The following CASR variants were observed in gnomAD, a reference collection of about 807,000 sequenced individuals.
CASR encodes calcium sensing receptor.
In CASR, 23 loss-of-function variants were observed where a neutral mutation model predicts 69.1. That is an observed-to-expected ratio of 0.33 (90% confidence interval 0.24 to 0.47). The LOEUF (loss-of-function observed/expected upper bound fraction) is 0.47. Ranked by LOEUF, CASR falls within the 20% of genes least tolerant of loss-of-function variation. The pLI is 1.00. For missense variants in CASR, 924 were observed against 1,356.1 expected (o/e 0.68, Z 5.00); for synonymous variants, 541 against 544.7 (o/e 0.99, Z 0.10).
At chr3:122,279,823 G>A (rs890234747) in intron 5 of CASR, among the ~76,000 whole-genome samples, 1 of 152,046 alleles carries the variant, frequency 6.6e-6, no homozygotes, top group African/African-American at 2.4e-5. Context: ...AAGTTCTGGG[G>A]TACATGTGCA....
chr3:122,276,199 A>G (rs34249398), intron 5 of CASR, among the ~76,000 whole-genome samples, 157 bp downstream of exon 5: 7 of 152,290 alleles, frequency 4.6e-5, no homozygotes, highest in African/African-American at 1.4e-4. Flanking sequence ...TCCCTGTGAA[A>G]TCCACAGTGT....
At chr3:122,253,496 G>A (rs1250360016) in intron 1 of CASR, among the ~76,000 whole-genome samples, 1 of 152,180 alleles carries the variant, frequency 6.6e-6, no homozygotes, top group Non-Finnish European at 1.5e-5. Context: ...ACCTGCCTCA[G>A]CTCCCCATAG....
intron 1 of CASR, among the ~76,000 whole-genome samples, chr3:122,230,151 A>G (rs1359291189): frequency 1.3e-5 from 2 of 152,238 alleles, no homozygotes; most frequent in East Asian, 1.9e-4. Flanking sequence ...TAAGTTATCA[A>G]TAACCCCTGG....
At chr3:122,239,946 G>A (rs961256047) in intron 1 of CASR, among the ~76,000 whole-genome samples, 1 of 152,160 alleles carries the variant, frequency 6.6e-6, no homozygotes, top group Non-Finnish European at 1.5e-5. Context: ...AACAGGTAGA[G>A]AAATAGATAG....
chr3:122,227,726 C>T lies in CASR; in HGVS notation c.-242-26222C>T, dbSNP rs539541473. 7.2e-5 allele frequency among the ~76,000 whole-genome samples: 11 copies of T among 152,238 alleles called. No homozygotes were observed. In the East Asian group the frequency reaches 9.7e-4, roughly 13 times the overall value. On this transcript the variant is annotated intron_variant, in intron 1 of 6. Transcript: ENST00000639785. ...GTGAGGGCTGCGAGGGCTGCCAGCA[C>T]GCTGTCACCTCTCAGTAGGAGCACT...
chr3:122,283,965 G>T lies in CASR; in HGVS notation c.2011G>T (p.Glu671Ter). ...CTCCAGCTCCCTGTTCTTCATCGGG[G>T]AGCCCCAGGACTGGACGTGCCGCCT... ...CFSSSLFFIG[E>*]PQDWTCRLRQ... Residue 671 changes from glutamate to a stop codon, truncating the protein, a stop_gained, in exon 7 of 7, where the codon GAG becomes TAG. Transcript: ENST00000639785. LOFTEE classifies it high-confidence loss of function. 1 of 1,613,530 alleles carries T rather than the reference G, an allele frequency of 6.2e-7. No homozygotes were observed. Among genetic ancestry groups the T allele is most frequent in the Non-Finnish European group, 8.5e-7 (1 of 1,179,874 alleles).
At chr3:122,216,614 C>T (rs757783961) in intron 1 of CASR, among the ~76,000 whole-genome samples, 1 of 152,132 alleles carries the variant, frequency 6.6e-6, no homozygotes, top group South Asian at 2.1e-4. Flanking sequence ...TCTGTACAAA[C>T]GAGAGTAATA....
At chr3:122,257,685 A>AT (rs200028332) in intron 3 of CASR, 3 of 278,780 alleles carry the variant, frequency 1.1e-5, no homozygotes, top group East Asian at 7.0e-5. Context: ...CCTTTAGTAA[A>AT]TTTTTTTTCC....
intron 4 of CASR, among the ~76,000 whole-genome samples, chr3:122,264,573 C>T (rs1159900287): frequency 6.6e-6 from 1 of 152,190 alleles, no homozygotes; most frequent in East Asian, 1.9e-4. Context: ...TTCACCCAAC[C>T]ATGGCCCAGG....
At chr3:122,237,737 A>G (rs2074342033) in intron 1 of CASR, among the ~76,000 whole-genome samples, 2 of 152,232 alleles carry the variant, frequency 1.3e-5, no homozygotes, top group Non-Finnish European at 2.9e-5. Context: ...ATATAATCAT[A>G]TAAAAGGAAG....
intron 1 of CASR, among the ~76,000 whole-genome samples, chr3:122,221,533 C>T (rs1385705217): frequency 1.3e-5 from 2 of 152,166 alleles, no homozygotes; most frequent in African/African-American, 2.4e-5. Context: ...ATGGAAGAGG[C>T]TCTACTTCTG....
At chr3:122,253,840 A>AC (rs1295625483) in intron 1 of CASR, 108 bp from the exon 2 acceptor site, 2 of 295,284 alleles carry the variant, frequency 6.8e-6, no homozygotes, top group Non-Finnish European at 1.3e-5. Flanking sequence ...TCAGTCTGCC[A>AC]CCCCTAGGCC....
chr3:122,269,149 C>T lies in CASR; in HGVS notation c.1378-6663C>T, dbSNP rs554421525. Among the ~76,000 whole-genome samples the T allele has an allele frequency of 9.9e-5, 15 of 152,180 alleles. No homozygotes were observed. The East Asian group carries it at 2.3e-3, about 23-fold the overall frequency. On this transcript the variant is annotated intron_variant, in intron 4 of 6. Transcript: ENST00000639785. ...GCAACTTTAAAAAAATTATTTTGGC[C>T]TTTTTATTTGTTTGCTTGTTTTTGT...
chr3:122,276,074 T>C, intron 5 of CASR, 32 bp downstream of exon 5: 1 of 1,387,414 alleles, frequency 7.2e-7, no homozygotes, highest in Non-Finnish European at 1.0e-6. Flanking sequence ...ACCAGATGTC[T>C]CCACCAGGGG....
intron 1 of CASR, among the ~76,000 whole-genome samples, chr3:122,236,210 G>A (rs1376753341): frequency 6.6e-6 from 1 of 152,196 alleles, no homozygotes; most frequent in East Asian, 1.9e-4. Flanking sequence ...TCAAAGTCAG[G>A]GTTAGAAACA....
chr3:122,225,574 CAG>C (rs2074214917), intron 1 of CASR, among the ~76,000 whole-genome samples: 1 of 108,288 alleles, frequency 9.2e-6, no homozygotes. Context: ...AAAAAAAAAA[CAG>C]ATGTTGGGGA....
chr3:122,194,390 C>T (rs2073868299), intron 1 of CASR, among the ~76,000 whole-genome samples: 1 of 152,094 alleles, frequency 6.6e-6, no homozygotes. Flanking sequence ...CTTGGAACAG[C>T]CATGGTGAGG....
chr3:122,201,958 C>T (rs1462923939), intron 1 of CASR, among the ~76,000 whole-genome samples: 2 of 151,996 alleles, frequency 1.3e-5, no homozygotes, highest in African/African-American at 2.4e-5. Flanking sequence ...CAGAGGGGCT[C>T]CTCACATCCC....
At chr3:122,206,164 G>A (rs1239477699) in intron 1 of CASR, among the ~76,000 whole-genome samples, 3 of 151,910 alleles carry the variant, frequency 2.0e-5, no homozygotes, top group Non-Finnish European at 2.9e-5. Flanking sequence ...GTAAAGGAAA[G>A]TCCTTTAATT....
Sources: gnomAD v4.1 joint callset for allele counts (sites outside exome capture counted in the v4.1 genomes callset) on GRCh38, gnomAD v4.1.1 for gene constraint, MANE v1.5 for transcripts, NCBI Gene and HGNC (gene_info 2026-07-23, HGNC 2026-07-21) for gene names.